ZNF568: variants seen among roughly 807,000 people sequenced by gnomAD.
ZNF568 encodes the protein p53 inhibitor of SCO2 activation.
Under a neutral mutation model 18.1 loss-of-function variants are expected in ZNF568, and 11 were observed. The ratio of observed to expected loss-of-function variants is 0.61; its 90% CI spans 0.38 to 1.00. The LOEUF (loss-of-function observed/expected upper bound fraction) is 1.00, where lower values mean the gene tolerates loss of function less well. Ranked by LOEUF, ZNF568 falls within the 50% of genes least tolerant of loss-of-function variation. The probability of loss-of-function intolerance (pLI) is 0.01; values close to 1 mark genes in which losing one functional copy is unlikely to be tolerated. For synonymous variants in ZNF568, 213 were observed against 246.6 expected (o/e 0.86, Z 1.28); for missense variants, 639 against 768.2 (o/e 0.83, Z 1.99).
At chr19:36,957,510 A>T (rs1166494315), downstream of ZNF568, among the ~76,000 whole-genome samples, 4 of 152,130 alleles carry the variant, frequency 2.6e-5, no homozygotes, top group African/African-American at 9.6e-5. Context: ...TTACAGGCAT[A>T]AGCCCACACG....
intron 4 of ZNF568, among the ~76,000 whole-genome samples, chr19:36,931,871 C>T (rs1432774885): frequency 6.6e-6 from 1 of 151,992 alleles, no homozygotes; most frequent in Non-Finnish European, 1.5e-5. Context: ...AAACCCTTTA[C>T]CTGTTAGCTT....
chr19:36,981,517 A>C (rs922875251), downstream of ZNF568, among the ~76,000 whole-genome samples: 4 of 152,280 alleles, frequency 2.6e-5, no homozygotes, highest in South Asian at 2.1e-4. Flanking sequence ...AGAGTCTTAC[A>C]CATCTTTTGT....
chr19:36,996,059 G>C (rs1252562599), intron 4 of ZNF568, among the ~76,000 whole-genome samples: 1 of 151,982 alleles, frequency 6.6e-6, no homozygotes, highest in East Asian at 1.9e-4. Context: ...TAATCACAAG[G>C]GTCTTTAAAT....
chr19:36,939,532 CTT>C (rs386388962), intron 6 of ZNF568, among the ~76,000 whole-genome samples: 2 of 93,080 alleles, frequency 2.1e-5, no homozygotes, highest in East Asian at 3.8e-4. Context: ...TATTTTCTTT[CTT>C]TTTTTTTTTT....
At chr19:36,923,301 C>T (rs2073488859) in intron 3 of ZNF568, among the ~76,000 whole-genome samples, 1 of 152,064 alleles carries the variant, frequency 6.6e-6, no homozygotes, top group African/African-American at 2.4e-5. Context: ...CTACCTAACC[C>T]CTTCCGTTTC....
Position 36,925,256 on chromosome 19 carries a change from C to T in ZNF568, c.133C>T (p.Leu45Phe), listed in dbSNP as rs201734462. 1.9e-6 allele frequency: 3 copies of T among 1,613,678 alleles called. No individual in the cohort carries two copies. Among genetic ancestry groups the T allele is most frequent in the East Asian group, 4.5e-5 (2 of 44,882 alleles). ...GGAAGAAGAGGATACAACCAGGCCTCTTGTACGTCTTAAGCATTTATTTGT... is the reference window on the plus strand; with the variant it reads ...GGAAGAAGAGGATACAACCAGGCCTTTTGTACGTCTTAAGCATTTATTTGT... The part of the protein sequence containing the change: ...SEEEEDTTRP[L>F]ETVTFKDVAV... The change falls in exon 4 of 7, where the codon CTT becomes TTT. Residue 45 changes from leucine (L) to phenylalanine (F), a missense_variant and splice_region_variant. By Grantham distance (22) the Leu-to-Phe change is conservative. Transcript: ENST00000333987.
At chr19:36,923,115 T>C (rs780951934) in intron 3 of ZNF568, among the ~76,000 whole-genome samples, 1 of 152,212 alleles carries the variant, frequency 6.6e-6, no homozygotes, top group South Asian at 2.1e-4. Flanking sequence ...CCATCCATCC[T>C]GGTTCCCTGT....
intron 2 of ZNF568, among the ~76,000 whole-genome samples, chr19:36,985,215 G>C (rs1362309312): frequency 3.9e-5 from 6 of 152,156 alleles, no homozygotes; most frequent in Non-Finnish European, 8.8e-5. Flanking sequence ...TATGATTTAA[G>C]TATGTTTTTT....
intron 2 of ZNF568, among the ~76,000 whole-genome samples, chr19:36,919,262 T>C (rs2073409066): frequency 6.6e-6 from 1 of 152,100 alleles, no homozygotes; most frequent in Non-Finnish European, 1.5e-5. Context: ...AATAAGTCCT[T>C]GTTTTCATGG....
chr19:36,925,101 T>G, intron 3 of ZNF568, 99 bp from the exon 4 acceptor site: 1 of 977,030 alleles, frequency 1.0e-6, no homozygotes. Context: ...TCAAGGATCA[T>G]TCATCTGTAG....
At chr19:36,988,107 C>T (rs1279025552) in intron 2 of ZNF568, among the ~76,000 whole-genome samples, 1 of 151,790 alleles carries the variant, frequency 6.6e-6, no homozygotes, top group Non-Finnish European at 1.5e-5. Context: ...TGCATTCTTT[C>T]ATTTTTAAAT....
chr19:36,922,689 G>T lies in ZNF568; in HGVS notation c.-82G>T, dbSNP rs1462895757. On this transcript the variant is annotated 5_prime_UTR_variant, in exon 3 of 7. Transcript: ENST00000333987. ...ACCTGACCTGAGACCTGCCTTAGAG[G>T]CTGGAGAGTCCTGAAAGAGAGTGGA... 4 of 1,237,218 alleles carry T rather than the reference G, an allele frequency of 3.2e-6. No individual in the cohort carries two copies. The African/African-American group carries it at 4.4e-5, about 14-fold the overall frequency. The allele number at this position is 1,237,218 out of a possible 1,614,324, so 76.6% of individuals were successfully genotyped here.
At chr19:36,922,997 CTA>C (rs769664219) in intron 3 of ZNF568, 151 bp downstream of exon 3, 12 of 628,276 alleles carry the variant, frequency 1.9e-5, no homozygotes, top group African/African-American at 3.7e-5. Context: ...ATTCATTTGA[CTA>C]TTTGATTTTT....
chr19:36,923,899 C>T (rs1356931724), intron 3 of ZNF568, among the ~76,000 whole-genome samples: 1 of 152,198 alleles, frequency 6.6e-6, no homozygotes, highest in South Asian at 2.1e-4. Flanking sequence ...AAGTTAGATA[C>T]CACTCATTTG....
exon 5 of ZNF568, chr19:36,997,210 C>G: frequency 6.2e-7 from 1 of 1,607,730 alleles, no homozygotes; most frequent in Non-Finnish European, 8.5e-7. Context: ...TGAGAAACCC[C>G]ATGAATGTAA....
At chr19:36,991,354 CT>C in intron 3 of ZNF568, 1 of 1,462,574 alleles carries the variant, frequency 6.8e-7, no homozygotes, top group Non-Finnish European at 9.0e-7. Context: ...CACAATTGGC[CT>C]TCTGGAATTC....
At chr19:36,944,600 T>G (rs936922345) in intron 6 of ZNF568, among the ~76,000 whole-genome samples, 4 of 152,232 alleles carry the variant, frequency 2.6e-5, no homozygotes, top group African/African-American at 9.6e-5. Flanking sequence ...TCTGGGGGAC[T>G]GCCTTGTGTG....
At chr19:36,939,556 T>G (rs1296941689) in intron 6 of ZNF568, among the ~76,000 whole-genome samples, 1 of 112,676 alleles carries the variant, frequency 8.9e-6, no homozygotes, top group East Asian at 2.1e-4. Context: ...TTTTTTTTTT[T>G]TGAGACGGAG....
chr19:36,964,070 G>T (rs2074175367), intron 6 of ZNF568, among the ~76,000 whole-genome samples: 1 of 152,112 alleles, frequency 6.6e-6, no homozygotes, highest in African/African-American at 2.4e-5. Context: ...TGTTAGATTT[G>T]CTTCTGAACC....
Sources: gnomAD v4.1 joint callset for allele counts (sites outside exome capture counted in the v4.1 genomes callset) on GRCh38, gnomAD v4.1.1 for gene constraint, MANE v1.5 for transcripts, NCBI Gene and HGNC (gene_info 2026-07-23, HGNC 2026-07-21) for gene names.